The following TRIML2 variants were observed in gnomAD, a reference collection of about 807,000 sequenced individuals.
The protein encoded by TRIML2 is probable E3 ubiquitin-protein ligase TRIML2.
In TRIML2, 28 loss-of-function variants were observed where a neutral mutation model predicts 31.2. The observed-to-expected ratio is 0.90, with a 90% confidence interval of 0.66 to 1.23. The LOEUF (loss-of-function observed/expected upper bound fraction) is 1.23, where lower values mean the gene tolerates loss of function less well. TRIML2 is among the 50% of genes most tolerant of loss of function. TRIML2 has a pLI of 0.00. For missense variants in TRIML2, 536 were observed against 528.3 expected, an observed-to-expected ratio of 1.01 and a Z score of -0.14; for synonymous variants, 187 against 197.5, an observed-to-expected ratio of 0.95 and a Z score of 0.45.
chr4:188,096,164 T>C (rs4862859), intron 7 of TRIML2, among the ~76,000 whole-genome samples: 85,248 of 150,504 alleles, frequency 0.57, 25,186 homozygotes, highest in East Asian at 0.92. Context: ...TTTGGGAGCC[T>C]GAGGCGCGTG....
At position 188,091,481 on chromosome 4, in the gene TRIML2, T is replaced by C; in HGVS notation, c.1206A>G (p.Gly402=). ...AGAGGGAAAACACAGGCCTGAGAGCTCCTTGGAAGGCGCAATGGGAGAAAT... is the reference window on the plus strand; with the variant it reads ...AGAGGGAAAACACAGGCCTGAGAGCCCCTTGGAAGGCGCAATGGGAGAAAT... ...IYNFSHCAFQ[G]ALRPVFSLCI... The change falls in exon 8 of 8, where the codon GGA becomes GGG. Residue 402 remains glycine (G), a synonymous_variant. Coordinates refer to ENST00000682553, the MANE Select transcript of TRIML2 (RefSeq NM_173553.4). The C allele has an allele frequency of 1.2e-6, 2 of 1,614,130 alleles. No individual in the cohort carries two copies. The highest frequency in any genetic ancestry group is 1.7e-6 in the Non-Finnish European group (2 of 1,180,022).
intron 3 of TRIML2, among the ~76,000 whole-genome samples, chr4:188,101,928 A>T (rs1255355236): frequency 1.3e-5 from 2 of 151,848 alleles, no homozygotes; most frequent in Admixed American, 6.6e-5. Context: ...CAGGAGATCG[A>T]GACCATCCTG....
chr4:188,108,914 A>G (rs1734140013), intron 1 of TRIML2, among the ~76,000 whole-genome samples: 1 of 152,178 alleles, frequency 6.6e-6, no homozygotes, highest in Non-Finnish European at 1.5e-5. Flanking sequence ...ATAAGAAACT[A>G]AGTCCTTGAG....
chr4:188,106,654 G>T (rs6833581), intron 1 of TRIML2: 9,664 of 156,002 alleles, frequency 0.062, 415 homozygotes, highest in Middle Eastern at 0.11. Context: ...GCCACTGGAG[G>T]GCTTCGCCCC....
intron 7 of TRIML2, chr4:188,092,776 C>T (rs1236029950): frequency 2.2e-6 from 1 of 454,846 alleles, no homozygotes; most frequent in Non-Finnish European, 4.4e-6. Context: ...GTGGACCCTC[C>T]AGAAACTCAC....
At chr4:188,107,655 A>C (rs762357525) in intron 1 of TRIML2, among the ~76,000 whole-genome samples, 2 of 152,150 alleles carry the variant, frequency 1.3e-5, no homozygotes, top group Non-Finnish European at 2.9e-5. Flanking sequence ...TATATTTTCA[A>C]CTTCCATCTG....
At chr4:188,099,250 A>T in intron 4 of TRIML2, 75 bp from the exon 5 acceptor site, 1 of 1,500,862 alleles carries the variant, frequency 6.7e-7, no homozygotes, top group Non-Finnish European at 8.9e-7. Flanking sequence ...TCTCCTATAG[A>T]TTAATTCAAC....
At chr4:188,108,463 T>C (rs4862862) in intron 1 of TRIML2, among the ~76,000 whole-genome samples, 130,540 of 152,076 alleles carry the variant, frequency 0.86, 56,592 homozygotes, top group African/African-American at 0.94. Context: ...GCCCTCCTCG[T>C]CCATCTCCAG....
rs1183371838 is a variant in TRIML2 at position 188,105,403 on chromosome 4, A to G, written c.-35T>C. On this transcript the variant is annotated 5_prime_UTR_variant, in exon 2 of 8. Coordinates refer to ENST00000682553, the MANE Select transcript of TRIML2 (RefSeq NM_173553.4). ...GGTCCCTAGTTGAAGACTGGACTGT[A>G]TGCTTCTACTGAGGTATCTCCCTGC... The G allele has an allele frequency of 2.0e-6, 3 of 1,489,210 alleles. No individual in the cohort carries two copies. Among genetic ancestry groups the G allele is most frequent in the African/African-American group, 2.8e-5 (2 of 72,592 alleles). 92.2% of individuals were successfully genotyped at this position (1,489,210 alleles called of 1,614,324 possible). A position where few individuals can be genotyped will look rare whatever the true frequency, so the allele number is the denominator to read the frequency against.
chr4:188,095,552 A>G (rs549068807), intron 7 of TRIML2, among the ~76,000 whole-genome samples: 3 of 152,354 alleles, frequency 2.0e-5, no homozygotes, highest in Admixed American at 6.5e-5. Flanking sequence ...AATTAAAATG[A>G]CATACCACTA....
intron 1 of TRIML2, chr4:188,106,184 G>A (rs1245931884): frequency 1.4e-5 from 2 of 147,612 alleles, no homozygotes; most frequent in African/African-American, 2.6e-5. Context: ...CGAGTAGCTG[G>A]GACTTCAGGC....
intron 1 of TRIML2, among the ~76,000 whole-genome samples, chr4:188,107,494 G>A (rs1225083105): frequency 6.6e-6 from 1 of 152,124 alleles, no homozygotes; most frequent in Non-Finnish European, 1.5e-5. Flanking sequence ...CCCACAAATA[G>A]GACTGTGAAT....
intron 3 of TRIML2, 72 bp from the exon 4 acceptor site, chr4:188,101,322 GATAGATATCTATATCTATAT>G (rs1733778597): frequency 1.2e-6 from 1 of 838,640 alleles, no homozygotes; most frequent in African/African-American, 1.7e-5. Context: ...CGTCATAATA[GATAGATATCTATATCTATAT>G]ATAGATATAT....
Position 188,099,749 on chromosome 4 carries a change from C to T in TRIML2, c.481-574G>A, listed in dbSNP as rs181972602. Among the ~76,000 whole-genome samples, 848 of 152,308 alleles carry T rather than the reference C, an allele frequency of 5.6e-3. 10 individuals are homozygous for T. The highest frequency in any genetic ancestry group is 0.034 in the Middle Eastern group (10 of 294). On this transcript the variant is annotated intron_variant, in intron 4 of 7. Transcript: ENST00000682553. ...AAGCCAATACAGATGTGTGTGCACG[C>T]AGCCCTTACTCACATTAATATGCAC...
In TRIML2 at chr4:188,091,701, C is replaced by T; in HGVS notation, c.986G>A (p.Gly329Asp). ...CTCTCCGGAAGCTCTGGCCGTGCTG[C>T]CCTTCGCGTCTGCAGAGCCGTGGTA... ...GIYHGSADAK[G>D]STARASGEKV... The change falls in exon 8 of 8, where the codon GGC becomes GAC. Residue 329 changes from glycine to aspartate, a missense_variant. Transcript: ENST00000682553. The T allele has an allele frequency of 6.2e-7, 1 of 1,613,420 alleles. No individual in the cohort carries two copies. Among genetic ancestry groups the T allele is most frequent in the Non-Finnish European group, 8.5e-7 (1 of 1,179,402 alleles).
chr4:188,100,933 G>A, intron 4 of TRIML2, 123 bp downstream of exon 4: 1 of 805,438 alleles, frequency 1.2e-6, no homozygotes, highest in Non-Finnish European at 1.9e-6. Context: ...TTGCCAGGTA[G>A]GTATATAATT....
intron 5 of TRIML2, among the ~76,000 whole-genome samples, chr4:188,097,971 A>C (rs1310073165): frequency 6.6e-6 from 1 of 151,898 alleles, no homozygotes; most frequent in Non-Finnish European, 1.5e-5. Context: ...AAAATACAAA[A>C]ATTAGCTGGA....
intron 5 of TRIML2, 64 bp downstream of exon 5, chr4:188,098,971 A>G (rs1399559221): frequency 3.8e-6 from 6 of 1,572,370 alleles, no homozygotes; most frequent in Non-Finnish European, 5.2e-6. Context: ...CCTAATGAGT[A>G]CTGTCCACTT....
At chr4:188,092,942 C>T (rs1302450187) in intron 7 of TRIML2, 5 of 453,988 alleles carry the variant, frequency 1.1e-5, no homozygotes, top group African/African-American at 4.0e-5. Flanking sequence ...GTAGTATATT[C>T]TCCTTCACTG....
Sources: gnomAD v4.1 joint callset for allele counts (sites outside exome capture counted in the v4.1 genomes callset) on GRCh38, gnomAD v4.1.1 for gene constraint, MANE v1.5 for transcripts, NCBI Gene and HGNC (gene_info 2026-07-23, HGNC 2026-07-21) for gene names.